The following ZNF669 variants were observed in gnomAD, a reference collection of about 807,000 sequenced individuals.
ZNF669 encodes zinc finger protein 669.
Under a neutral mutation model 11.4 loss-of-function variants are expected in ZNF669, and 7 were observed. The ratio of observed to expected loss-of-function variants is 0.62; its 90% confidence interval spans 0.35 to 1.16. The LOEUF is 1.16. Among genes scored for constraint, ZNF669 ranks in the 50% most tolerant of loss-of-function variants. The pLI, the probability that ZNF669 is intolerant of heterozygous loss-of-function variation, is 0.02. For missense variants in ZNF669, 492 were observed against 463.6 expected (o/e 1.06, Z -0.56); for synonymous variants, 153 against 155.8 (o/e 0.98, Z 0.13).
intron 3 of ZNF669, 37 bp downstream of exon 3, chr1:247,101,694 T>C: frequency 1.9e-6 from 3 of 1,562,994 alleles, no homozygotes; most frequent in Non-Finnish European, 2.6e-6. Context: ...TAAGATTCCT[T>C]CAGAGGACTT....
chr1:247,101,720 G>A lies in ZNF669; in HGVS notation c.191+11C>T. 1 of 1,613,010 alleles carries A rather than the reference G, an allele frequency of 6.2e-7. No homozygotes were observed. On this transcript the variant is annotated intron_variant, in intron 3 of 3. Coordinates refer to ENST00000448299, the MANE Select transcript of ZNF669 (RefSeq NM_001142572.2). The stretch of plus-strand genomic sequence containing the variant: ...CAGAGGACTTTATTTCCTCTGCTCA[G>A]TGCAAATTACCTTATATCTTTCCCA...
rs368147786 is a variant in ZNF669 at position 247,100,750 on chromosome 1, T to A, written c.761A>T (p.Asp254Val). ...GERPYKCTKC[D>V]KAFSCSTSLR... ...GGAAGTGGAACAGCTGAAGGCTTTA[T>A]CACATTTGGTACATTTATAGGGTCT... Residue 254 changes from aspartate to valine, a missense_variant, in exon 4 of 4, where the codon GAT (aspartate) becomes GTT (valine). Physicochemically the swap from Asp to Val is radical, Grantham distance 152 (BLOSUM62 -3). Coordinates refer to ENST00000448299, the MANE Select transcript of ZNF669 (RefSeq NM_001142572.2). The A allele has an allele frequency of 8.1e-6, 13 of 1,614,040 alleles. No homozygotes were observed. The highest frequency in any genetic ancestry group is 1.0e-5 in the Non-Finnish European group (12 of 1,180,014).
intron 3 of ZNF669, 106 bp from the exon 4 acceptor site, chr1:247,101,425 T>C (rs1671722451): frequency 1.2e-5 from 7 of 591,010 alleles, no homozygotes; most frequent in Non-Finnish European, 1.6e-5. Flanking sequence ...GGAAAATGCA[T>C]TTTTTTTTTT....
At position 247,104,292 on chromosome 1, in the gene ZNF669, C is replaced by G; in HGVS notation, c.-93G>C. The G allele has an allele frequency of 1.4e-6, 2 of 1,415,830 alleles. No individual in the cohort carries two copies. Among genetic ancestry groups the G allele is most frequent in the Non-Finnish European group, 1.9e-6 (2 of 1,080,798 alleles). The allele number at this position is 1,415,830 out of a possible 1,614,324, so 87.7% of individuals were successfully genotyped here. On this transcript the variant is annotated 5_prime_UTR_variant, in exon 1 of 4. Transcript: ENST00000448299. ...AGAGGCTGCTGCAGAGCCACCTGGG[C>G]CTCCCAGAGCCAAGAACTAGCAGCG...
chr1:247,103,836 C>CT, intron 1 of ZNF669: 1 of 1,386,418 alleles, frequency 7.2e-7, no homozygotes. Context: ...AAAGGTGGGA[C>CT]TGGAAGCCCC....
intron 1 of ZNF669, 68 bp downstream of exon 1, chr1:247,104,129 A>T (rs765369975): frequency 1.0e-5 from 16 of 1,590,264 alleles, no homozygotes; most frequent in African/African-American, 1.4e-5. Context: ...TGGAGGCCCG[A>T]GTCGCGCCAC....
At chr1:247,103,632 CAAAAAAAAAAA>C (rs58671011) in intron 1 of ZNF669, among the ~76,000 whole-genome samples, 14 of 50,046 alleles carry the variant, frequency 2.8e-4, no homozygotes, top group Non-Finnish European at 3.8e-4. Context: ...ATTCCGTCTC[CAAAAAAAAAAA>C]AAAAAAAAAA....
In ZNF669 at chr1:247,100,054, G is replaced by A. The variant is rs186054641; in HGVS notation, c.*320C>T. 17 of 228,056 alleles carry A rather than the reference G, an allele frequency of 7.5e-5. No homozygotes were observed. The highest frequency in any genetic ancestry group is 4.6e-4 in the East Asian group (5 of 10,962). The allele number at this position is 228,056 out of a possible 1,614,324, so 14.1% of individuals were successfully genotyped here. A position where few individuals can be genotyped will look rare whatever the true frequency, so the allele number is the denominator to read the frequency against. On this transcript the variant is annotated 3_prime_UTR_variant, in exon 4 of 4. Coordinates refer to ENST00000448299, the MANE Select transcript of ZNF669 (RefSeq NM_001142572.2). ...GGCTGAAGTGCAGTGGTGCGATCTCGGCTCACTGCAAGTTCCGCCTCCCGG... is the reference window on the plus strand; with the variant it reads ...GGCTGAAGTGCAGTGGTGCGATCTCAGCTCACTGCAAGTTCCGCCTCCCGG...
At position 247,102,075 on chromosome 1, in the gene ZNF669, G is replaced by A. The variant is rs752656696; in HGVS notation, c.42C>T (p.Thr14=). 4 of 1,612,386 alleles carry A rather than the reference G, an allele frequency of 2.5e-6. No homozygotes were observed. Among genetic ancestry groups the A allele is most frequent in the Non-Finnish European group, 3.4e-6 (4 of 1,179,242 alleles). ...VAFEDVAVNF[T]QEEWALLDSS... ...AATCTAGCAAAGCCCATTCCTCCTG[G>A]GTAAAGTTCACAGCCACATCCTCAA... is the stretch of plus-strand genomic sequence containing the variant. Residue 14 remains threonine (T), a synonymous_variant, in exon 2 of 4, where the codon ACC becomes ACT. Coordinates refer to ENST00000448299, the MANE Select transcript of ZNF669 (RefSeq NM_001142572.2).
rs144275353 is a variant in ZNF669 at position 247,100,281 on chromosome 1, G to A, written c.*93C>T. On this transcript the variant is annotated 3_prime_UTR_variant, in exon 4 of 4. Coordinates refer to ENST00000448299, the MANE Select transcript of ZNF669 (RefSeq NM_001142572.2). The stretch of plus-strand genomic sequence containing the variant: ...TTACAGGCGTAAGCCACCGTGCCCG[G>A]CATTATTTTATTTTTTGTAAAGACA... 4.0e-3 allele frequency: 3,313 copies of A among 821,340 alleles called. 67 individuals carry two copies. The African/African-American group carries it at 0.048, about 12-fold the overall frequency. 50.9% of individuals were successfully genotyped at this position (821,340 alleles called of 1,614,324 possible).
In ZNF669 at chr1:247,100,973, C is replaced by T. The variant is rs757399306; in HGVS notation, c.538G>A (p.Glu180Lys). The change falls in exon 4 of 4, where the codon GAA (glutamate) becomes AAA (lysine). Residue 180 changes from glutamate to lysine, a missense_variant. Physicochemically the swap from Glu to Lys is moderately conservative, Grantham distance 56 (BLOSUM62 1). Coordinates refer to ENST00000448299, the MANE Select transcript of ZNF669 (RefSeq NM_001142572.2). Reference protein sequence around the residue: ...GKAFYFLNSVERHQRTHTGEK... With the variant: ...GKAFYFLNSVKRHQRTHTGEK... ...CCTGTGTGAGTTCTCTGATGTCTTTCAACTGAATTGAGAAAATAAAAAGCT... is the reference window on the plus strand; with the variant it reads ...CCTGTGTGAGTTCTCTGATGTCTTTTAACTGAATTGAGAAAATAAAAAGCT... The T allele has an allele frequency of 1.9e-6, 3 of 1,613,060 alleles. No homozygotes were observed. In the African/African-American group the frequency reaches 4.0e-5, roughly 22 times the overall value.
rs967497105 is a variant in ZNF669 at position 247,101,366 on chromosome 1, A to C, written c.192-47T>G. On this transcript the variant is annotated intron_variant, in intron 3 of 3. Transcript: ENST00000448299. ...ATTATTATTGGTTGGTTTATTAATA[A>C]CTTTCTACTTATTAATAGGTCTTGG... 2.0e-6 allele frequency: 3 copies of C among 1,506,954 alleles called. No individual in the cohort carries two copies. The African/African-American group carries it at 4.2e-5, about 21-fold the overall frequency. 93.3% of individuals were successfully genotyped at this position (1,506,954 alleles called of 1,614,324 possible). A position where few individuals can be genotyped will look rare whatever the true frequency, so the allele number is the denominator to read the frequency against.
Position 247,100,535 on chromosome 1 carries a change from G to T in ZNF669, c.976C>A (p.His326Asn), listed in dbSNP as rs1219968921. 6.2e-7 allele frequency: 1 copy of T among 1,614,244 alleles called. No individual in the cohort carries two copies. The highest frequency in any genetic ancestry group is 1.3e-5 in the African/African-American group (1 of 75,054). Reference sequence around the variant, plus strand: ...CATTCATAGGGTTTTTCTCCAGTATGAATTCTTTCGTGGAGGTGAAGGGAA... The same window carrying T: ...CATTCATAGGGTTTTTCTCCAGTATTAATTCTTTCGTGGAGGTGAAGGGAA... Reference protein sequence around the residue: ...LSSLHLHERIHTGEKPYECKK... With the variant: ...LSSLHLHERINTGEKPYECKK... Residue 326 changes from histidine to asparagine, a missense_variant, in exon 4 of 4, where the codon CAT becomes AAT. His to Asn is a moderately conservative substitution (Grantham distance 68). Transcript: ENST00000448299.
rs780703415 is a variant in ZNF669 at position 247,101,759 on chromosome 1, G to C, written c.163C>G (p.His55Asp). The C allele has an allele frequency of 1.2e-5, 19 of 1,613,752 alleles. No individual in the cohort carries two copies. In the Admixed American group the frequency reaches 1.5e-4, roughly 13 times the overall value. Residue 55 changes from histidine to aspartate, a missense_variant, in exon 3 of 4, where the codon CAC becomes GAC. Transcript: ENST00000448299. ...SQWKDQNIED[H>D]FEKPGKDIRN... ...ATATCTTTCCCAGGTTTTTCGAAGT[G>C]ATCTTCAATATTCTGGTCTTTCCAT...
Position 247,100,753 on chromosome 1 carries a change from C to G in ZNF669, c.758G>C (p.Cys253Ser). 1 of 1,614,124 alleles carries G rather than the reference C, an allele frequency of 6.2e-7. No homozygotes were observed. ...TGERPYKCTKCDKAFSCSTSL... is the reference protein window; with the variant it reads ...TGERPYKCTKSDKAFSCSTSL... ...AGTGGAACAGCTGAAGGCTTTATCA[C>G]ATTTGGTACATTTATAGGGTCTTTC... Residue 253 changes from cysteine to serine, a missense_variant, in exon 4 of 4, where the codon TGT becomes TCT. By Grantham distance (112) the Cys-to-Ser change is moderately radical. Coordinates refer to ENST00000448299, the MANE Select transcript of ZNF669 (RefSeq NM_001142572.2).
chr1:247,101,863 C>G, intron 2 of ZNF669, 72 bp from the exon 3 acceptor site: 8 of 1,602,430 alleles, frequency 5.0e-6, no homozygotes, highest in Non-Finnish European at 6.8e-6. Flanking sequence ...TTAATGTTCA[C>G]TGTACACAGT....
rs114051051 is a variant in ZNF669 at position 247,104,219 on chromosome 1, C to T, written c.-20G>A. ...CACCATTCCTCGGCTTCCCGGGTGT[C>T]CTGGCGTCAGCTAGGGATGTCCCAA... On this transcript the variant is annotated 5_prime_UTR_variant, in exon 1 of 4. Coordinates refer to ENST00000448299, the MANE Select transcript of ZNF669 (RefSeq NM_001142572.2). 6.6e-7 allele frequency: 1 copy of T among 1,510,188 alleles called. No individual in the cohort carries two copies. The highest frequency in any genetic ancestry group is 8.8e-7 in the Non-Finnish European group (1 of 1,130,916). The allele number at this position is 1,510,188 out of a possible 1,614,324, so 93.5% of individuals were successfully genotyped here.
At position 247,104,335 on chromosome 1, in the gene ZNF669, C is replaced by A; in HGVS notation, c.-136G>T. On this transcript the variant is annotated 5_prime_UTR_variant, in exon 1 of 4. Coordinates refer to ENST00000448299, the MANE Select transcript of ZNF669 (RefSeq NM_001142572.2). The stretch of plus-strand genomic sequence containing the variant: ...TAGCAGCGGAGACTAACAGGAAGAG[C>A]CGGCTCCGGCGAAGGAGAGACAAAG... The A allele has an allele frequency of 8.1e-7, 1 of 1,236,496 alleles. No individual in the cohort carries two copies. Among genetic ancestry groups the A allele is most frequent in the Non-Finnish European group, 1.1e-6 (1 of 942,874 alleles). 76.6% of individuals were successfully genotyped at this position (1,236,496 alleles called of 1,614,324 possible).
intron 3 of ZNF669, 127 bp from the exon 4 acceptor site, chr1:247,101,446 A>G: frequency 8.3e-7 from 1 of 1,200,252 alleles, no homozygotes; most frequent in Non-Finnish European, 1.1e-6. Flanking sequence ...GCCATGACTG[A>G]ATTATTTCAA....
Sources: gnomAD v4.1 joint callset for allele counts (sites outside exome capture counted in the v4.1 genomes callset) on GRCh38, gnomAD v4.1.1 for gene constraint, MANE v1.5 for transcripts, NCBI Gene and HGNC (gene_info 2026-07-23, HGNC 2026-07-21) for gene names.